The following AK9 variants were observed in gnomAD, a reference collection of about 807,000 sequenced individuals.
AK9 encodes adenylate kinase 9, also known as adenylate kinase domain containing 1.
A neutral mutation model predicts 239.6 loss-of-function variants in AK9; 191 were observed. That is an observed-to-expected ratio of 0.80 (90% confidence interval 0.71 to 0.90). The LOEUF is 0.90. AK9 is among the 40% of genes least tolerant of loss of function. AK9 has a pLI of 0.00. For missense variants in AK9, 1,995 were observed against 2,214.7 expected (o/e 0.90, Z 1.99); for synonymous variants, 689 against 721.0 (o/e 0.96, Z 0.71).
Position 109,573,259 on chromosome 6 carries a change from CAGCCTCTGCTTTCCT to C in AK9, c.2344+168_2344+182del, listed in dbSNP as rs530752531. Among the ~76,000 whole-genome samples the C allele has an allele frequency of 1.8e-3, 185 of 100,792 alleles. 1 individual carries two copies. Among genetic ancestry groups the C allele is most frequent in the Non-Finnish European group, 3.4e-4 (14 of 41,444 alleles). The allele number at this position is 100,792 out of a possible 152,430, so 66.1% of individuals were successfully genotyped here. A position where few individuals can be genotyped will look rare whatever the true frequency, so the allele number is the denominator to read the frequency against. The stretch of plus-strand genomic sequence containing the variant: ...CCTGTGTGCCAGTGCTGGGGCAGAG[CAGCCTCTGCTTTCCT>C]ACCACACTTCAAACTGTGGGATTTG... On this transcript the variant is annotated intron_variant, in intron 21 of 40. Coordinates refer to ENST00000424296, the MANE Select transcript of AK9 (RefSeq NM_001145128.3).
At chr6:109,520,939 G>A (rs919976968) in intron 29 of AK9, among the ~76,000 whole-genome samples, 1 of 151,972 alleles carries the variant, frequency 6.6e-6, no homozygotes, top group Non-Finnish European at 1.5e-5. Context: ...AACTAATTTT[G>A]TGCATTGATT....
chr6:109,611,776 T>G (rs1420036997), intron 16 of AK9, among the ~76,000 whole-genome samples: 5 of 152,238 alleles, frequency 3.3e-5, no homozygotes. Flanking sequence ...AAAGATAGAT[T>G]GCCTGTCTTC....
At chr6:109,616,794 G>A (rs192100543) in intron 13 of AK9, among the ~76,000 whole-genome samples, 15 of 151,838 alleles carry the variant, frequency 9.9e-5, no homozygotes, top group Non-Finnish European at 2.1e-4. Context: ...TGACATTCTA[G>A]AATTGCTCAC....
chr6:109,573,500 C>T lies in AK9; in HGVS notation c.2286G>A (p.Gly762=), dbSNP rs889972020. 2.2e-5 allele frequency: 34 copies of T among 1,551,306 alleles called. No homozygotes were observed. The East Asian group carries it at 3.7e-4, about 17-fold the overall frequency. Residue 762 remains glycine, a synonymous_variant, in exon 21 of 41, where the codon GGG becomes GGA. Coordinates refer to ENST00000424296, the MANE Select transcript of AK9 (RefSeq NM_001145128.3). The part of the protein sequence containing the change: ...EEPEASHDTR[G]SWLPEEFEAS... ...CTTCAAACTCCTCAGGTAACCATGACCCTCGGGTATCGTGAGATGCCTCAG... is the reference window on the plus strand; with the variant it reads ...CTTCAAACTCCTCAGGTAACCATGATCCTCGGGTATCGTGAGATGCCTCAG...
At position 109,550,182 on chromosome 6, in the gene AK9, G is replaced by T. The variant is rs1471934333; in HGVS notation, c.2872C>A (p.Arg958=). ...PGNTEEAAKY[R]EKIYYFSSAE... ...CTTGAAAAGTAGTAGATCTTTTCTC[G>T]ATACTTGGCTGCTTCTTCTGTGTTT... The change falls in exon 25 of 41, where the codon CGA becomes AGA. Residue 958 remains arginine, a synonymous_variant. Coordinates refer to ENST00000424296, the MANE Select transcript of AK9 (RefSeq NM_001145128.3). 1.2e-6 allele frequency: 2 copies of T among 1,613,600 alleles called. No individual in the cohort carries two copies. Among genetic ancestry groups the T allele is most frequent in the African/African-American group, 1.3e-5 (1 of 74,828 alleles).
intron 19 of AK9, among the ~76,000 whole-genome samples, chr6:109,581,362 T>A (rs1033198510): frequency 1.3e-5 from 2 of 152,156 alleles, no homozygotes; most frequent in Admixed American, 6.6e-5. Flanking sequence ...GCAAAATAGT[T>A]AGCCAAGTTG....
chr6:109,597,072 T>C (rs1478130791), intron 17 of AK9, among the ~76,000 whole-genome samples: 2 of 152,154 alleles, frequency 1.3e-5, no homozygotes, highest in East Asian at 1.9e-4. Flanking sequence ...TTTACTAACA[T>C]TGTGTTTTTT....
chr6:109,685,455 C>T (rs1773365815), intron 1 of AK9, among the ~76,000 whole-genome samples: 1 of 152,108 alleles, frequency 6.6e-6, no homozygotes, highest in Non-Finnish European at 1.5e-5. Context: ...TGGAAACCAT[C>T]ATTCTCAGCA....
Position 109,506,486 on chromosome 6 carries a change from T to C in AK9, c.4690A>G (p.Lys1564Glu). 3.1e-6 allele frequency: 5 copies of C among 1,613,054 alleles called. No homozygotes were observed. Among genetic ancestry groups the C allele is most frequent in the Non-Finnish European group, 4.2e-6 (5 of 1,179,418 alleles). The change falls in exon 35 of 41, where the codon AAA (lysine) becomes GAA (glutamate). Residue 1564 changes from lysine (K) to glutamate (E), a missense_variant. Physicochemically the swap from Lys to Glu is moderately conservative, Grantham distance 56. Transcript: ENST00000424296. ...TATTGCCTAATCTCACCAATATTTT[T>C]GCGATACTTTACATTATTGACAGCT... is the stretch of plus-strand genomic sequence containing the variant. ...IVAVNNVKYRKNIGEIRQYYQ... is the reference protein window; with the variant it reads ...IVAVNNVKYRENIGEIRQYYQ...
At chr6:109,586,194 A>C in intron 17 of AK9, 122 bp from the exon 18 acceptor site, 1 of 882,130 alleles carries the variant, frequency 1.1e-6, no homozygotes. Context: ...AAAAGGAAAA[A>C]AAAGGGTGAC....
At chr6:109,514,515 C>A (rs1388702960) in intron 31 of AK9, 78 bp from the exon 32 acceptor site, 16 of 1,229,366 alleles carry the variant, frequency 1.3e-5, no homozygotes, top group Non-Finnish European at 1.8e-5. Flanking sequence ...TTGAAAAAAA[C>A]AATTCGTGAC....
At chr6:109,530,962 G>T (rs766127240) in intron 28 of AK9, among the ~76,000 whole-genome samples, 7 of 152,128 alleles carry the variant, frequency 4.6e-5, no homozygotes, top group Non-Finnish European at 5.9e-5. Context: ...AGAATCGCTT[G>T]AACCCAAGTG....
At position 109,516,544 on chromosome 6, in the gene AK9, C is replaced by T. The variant is rs1286574122; in HGVS notation, c.3732G>A (p.Glu1244=). ...NILEDEFPKD[E]EEMSGEEDEE... ...CATCTTCCTCGCCACTCATCTCTTC[C>T]TCATCTTTTGGAAACTCATCTTCAA... The change falls in exon 30 of 41, where the codon GAG becomes GAA. Residue 1244 remains glutamate (E), a synonymous_variant. Transcript: ENST00000424296. 9 of 1,551,506 alleles carry T rather than the reference C, an allele frequency of 5.8e-6. No homozygotes were observed. In the Admixed American group the frequency reaches 9.8e-5, roughly 17 times the overall value.
Position 109,671,995 on chromosome 6 carries a change from G to A in AK9, c.255C>T (p.Ser85=), listed in dbSNP as rs771094883. ...CAAGTTCATCTGGAATGCTTTGACC[G>A]CTGATCAACATTGATTGCAACTAAG... ...SGVMLQSMLI[S]GQSIPDELVI... The change falls in exon 5 of 41, where the codon AGC becomes AGT. Residue 85 remains serine (S), a synonymous_variant. Transcript: ENST00000424296. The A allele has an allele frequency of 2.5e-5, 41 of 1,613,766 alleles. No homozygotes were observed. Among genetic ancestry groups the A allele is most frequent in the Middle Eastern group, 1.6e-4 (1 of 6,080 alleles).
chr6:109,515,367 G>A (rs1248025562), intron 31 of AK9, among the ~76,000 whole-genome samples: 1 of 152,198 alleles, frequency 6.6e-6, no homozygotes, highest in African/African-American at 2.4e-5. Flanking sequence ...TGGAGGAGTG[G>A]TGCCCCATCT....
chr6:109,536,343 C>T (rs1489302308), intron 27 of AK9, among the ~76,000 whole-genome samples: 1 of 152,046 alleles, frequency 6.6e-6, no homozygotes, highest in African/African-American at 2.4e-5. Flanking sequence ...AGTTGGATTC[C>T]TAGGTATTTT....
At chr6:109,666,929 A>C (rs75823661) in intron 5 of AK9, among the ~76,000 whole-genome samples, 4,378 of 152,270 alleles carry the variant, frequency 0.029, 99 homozygotes, top group East Asian at 0.11. Flanking sequence ...GAATGCCCAG[A>C]CTGGGGCTAT....
chr6:109,671,894 T>G (rs1562591587), intron 5 of AK9, 25 bp downstream of exon 5: 1 of 1,603,064 alleles, frequency 6.2e-7, no homozygotes, highest in Non-Finnish European at 8.5e-7. Flanking sequence ...CTTTGTGGGC[T>G]GTAAATATAT....
Position 109,564,176 on chromosome 6 carries a change from C to T in AK9, c.2539G>A (p.Ala847Thr), listed in dbSNP as rs1786165722. The change falls in exon 23 of 41, where the codon GCA (alanine) becomes ACA (threonine). Residue 847 changes from alanine to threonine, a missense_variant. By Grantham distance (58) the Ala-to-Thr change is moderately conservative (BLOSUM62 0). Around this residue, in one of 5 missense-constraint regions of AK9, gnomAD observed 1,290 missense variants for 1,392.7 expected, o/e 0.93. Transcript: ENST00000424296. ...TTAATGTAAGCCTCACTAATTGTTG[C>T]TTCTAGCTGTTTCCAGAGGATGATG... ...SFIILWKQLE[A>T]TISEAYIKIL... 3.9e-6 allele frequency: 6 copies of T among 1,551,386 alleles called. No individual in the cohort carries two copies. The highest frequency in any genetic ancestry group is 5.2e-6 in the Non-Finnish European group (6 of 1,146,868).
Sources: gnomAD v4.1 joint callset for allele counts (sites outside exome capture counted in the v4.1 genomes callset) on GRCh38, gnomAD v4.1.1 for gene constraint, gnomAD v4.1.1 regional missense constraint, MANE v1.5 for transcripts, NCBI Gene and HGNC (gene_info 2026-07-23, HGNC 2026-07-21) for gene names.